Variants in POSTN observed in about 807,000 individuals in gnomAD.
The protein encoded by POSTN is osteoblast specific factor 2 (fasciclin I-like).
A neutral mutation model predicts 104.5 loss-of-function variants in POSTN; 71 were observed. The observed-to-expected ratio is 0.68, with a 90% CI of 0.56 to 0.83. The LOEUF (loss-of-function observed/expected upper bound fraction) is 0.83. Among genes scored for constraint, POSTN ranks in the 40% least tolerant of loss-of-function variants. The probability of loss-of-function intolerance (pLI) is 0.00; values close to 1 mark genes in which losing one functional copy is unlikely to be tolerated. For missense variants in POSTN, 949 were observed against 1,006.8 expected (o/e 0.94, Z 0.78); for synonymous variants, 355 against 340.7 (o/e 1.04, Z -0.46).
intron 2 of POSTN, among the ~76,000 whole-genome samples, chr13:37,594,937 A>G (rs1403770732): frequency 6.6e-6 from 1 of 151,794 alleles, no homozygotes; most frequent in East Asian, 1.9e-4. Context: ...AGACGTAACT[A>G]TGTTTTTGAA....
chr13:37,595,047 A>T (rs1169022867), intron 2 of POSTN, among the ~76,000 whole-genome samples: 1 of 144,398 alleles, frequency 6.9e-6, no homozygotes. Context: ...CAAAGTAGTG[A>T]TTTTTTTTTT....
intron 21 of POSTN, chr13:37,568,831 C>T (rs1950183893): frequency 6.6e-6 from 1 of 151,876 alleles, no homozygotes; most frequent in South Asian, 2.1e-4. Context: ...TATTCATTCC[C>T]AAGAATATAG....
rs748738048 is a variant in POSTN, at chr13:37,586,176, G to A, written c.858C>T (p.Val286=). Residue 286 remains valine, a synonymous_variant, in exon 7 of 23, where the codon GTC becomes GTT. Coordinates refer to ENST00000379747, the MANE Select transcript of POSTN (RefSeq NM_006475.3). ...CTTTGTCTCCCATGATCCTTTCTAG[G>A]ACACCTCGTGGAAGTTTCTCAAAAG... ...NEAFEKLPRG[V]LERIMGDKVA... 3 of 1,613,672 alleles carry A rather than the reference G, an allele frequency of 1.9e-6. No homozygotes were observed.
chr13:37,589,455 G>A (rs1387664575), intron 4 of POSTN, among the ~76,000 whole-genome samples: 1 of 151,922 alleles, frequency 6.6e-6, no homozygotes, highest in Non-Finnish European at 1.5e-5. Flanking sequence ...CCATTAACTC[G>A]TCATTTAGCA....
At chr13:37,579,481 C>T (rs1282487357) in intron 12 of POSTN, 122 bp from the exon 13 acceptor site, 5 of 842,350 alleles carry the variant, frequency 5.9e-6, no homozygotes, top group African/African-American at 5.2e-5. Flanking sequence ...TATCATTATT[C>T]TCTCAAGTAG....
intron 1 of POSTN, 88 bp downstream of exon 1, chr13:37,598,520 G>T (rs1300849150): frequency 4.2e-6 from 5 of 1,194,158 alleles, no homozygotes; most frequent in African/African-American, 1.5e-5. Context: ...AAACCCTGAG[G>T]CATATATGAG....
At chr13:37,587,681 A>G (rs933201734) in intron 5 of POSTN, 141 bp downstream of exon 5, 6 of 641,932 alleles carry the variant, frequency 9.3e-6, no homozygotes, top group African/African-American at 1.9e-5. Flanking sequence ...TACATGCCCT[A>G]GATTTGGGGG....
At position 37,570,652 on chromosome 13, in the gene POSTN, A is replaced by G. The variant is rs1950237545; in HGVS notation, c.2197T>C (p.Tyr733His). ...VIHGEPIIKK[Y>H]TKIIDGVPVE... Reference sequence around the variant, plus strand: ...GGCACTCCATCAATGATTTTGGTGTATTTTTTAATAATTGGCTCTAAAAGC... The same window carrying G: ...GGCACTCCATCAATGATTTTGGTGTGTTTTTTAATAATTGGCTCTAAAAGC... The change falls in exon 19 of 23, where the codon TAC becomes CAC. Residue 733 changes from tyrosine (Y) to histidine (H), a missense_variant. Coordinates refer to ENST00000379747, the MANE Select transcript of POSTN (RefSeq NM_006475.3). 1 of 1,605,636 alleles carries G rather than the reference A, an allele frequency of 6.2e-7. No individual in the cohort carries two copies.
At chr13:37,573,128 T>G (rs1950303263) in intron 17 of POSTN, among the ~76,000 whole-genome samples, 1 of 151,500 alleles carries the variant, frequency 6.6e-6, no homozygotes, top group Admixed American at 6.6e-5. Context: ...AGGAGAAGAA[T>G]CTTTGAAAAT....
At chr13:37,580,317 T>C (rs1950541829) in intron 11 of POSTN, among the ~76,000 whole-genome samples, 2 of 152,200 alleles carry the variant, frequency 1.3e-5, no homozygotes, top group African/African-American at 2.4e-5. Flanking sequence ...CTAAAAACTA[T>C]AAGAAAAATG....
chr13:37,598,516 T>C, intron 1 of POSTN, 92 bp downstream of exon 1: 4 of 1,158,526 alleles, frequency 3.5e-6, no homozygotes, highest in Non-Finnish European at 4.8e-6. Context: ...AAAAAAACCC[T>C]GAGGCATATA....
chr13:37,579,282 CA>C lies in POSTN; in HGVS notation c.1737del (p.Gly580ValfsTer6), dbSNP rs1950510754. On this transcript the variant is annotated frameshift_variant, in exon 13 of 23. Coordinates refer to ENST00000379747, the MANE Select transcript of POSTN (RefSeq NM_006475.3). LOFTEE classifies it high-confidence loss of function. ...PGVFIGKGFE[P>X]GVTNILKTTQ... The stretch of plus-strand genomic sequence containing the variant: ...GTGGTCTTTAAAATGTTAGTAACAC[CA>C]GGTTCAAATCCTTTTCCAATGAAAA... 1 of 1,607,842 alleles carries C rather than the reference CA, an allele frequency of 6.2e-7. No homozygotes were observed. The highest frequency in any genetic ancestry group is 1.3e-5 in the African/African-American group (1 of 74,774).
intron 15 of POSTN, among the ~76,000 whole-genome samples, chr13:37,578,104 T>C (rs1950468169): frequency 6.6e-6 from 1 of 152,166 alleles, no homozygotes; most frequent in South Asian, 2.1e-4. Flanking sequence ...AAGAAAAATA[T>C]TCCGTTCCCT....
intron 21 of POSTN, chr13:37,568,821 T>A (rs1257353617): frequency 6.6e-6 from 1 of 152,150 alleles, no homozygotes; most frequent in Non-Finnish European, 1.5e-5. Context: ...AAGAAACAGA[T>A]ATTCATTCCC....
intron 17 of POSTN, among the ~76,000 whole-genome samples, chr13:37,572,298 T>A (rs1950282176): frequency 6.6e-6 from 1 of 151,238 alleles, no homozygotes; most frequent in South Asian, 2.1e-4. Flanking sequence ...TTTTTGCTTG[T>A]TCAGAAATTG....
chr13:37,564,071 C>A (rs1950007173), intron 22 of POSTN, among the ~76,000 whole-genome samples: 1 of 150,600 alleles, frequency 6.6e-6, no homozygotes, highest in Middle Eastern at 3.5e-3. Context: ...TTTAAGGATT[C>A]AGGTCCACCT....
chr13:37,564,528 T>C lies in POSTN; in HGVS notation c.2464A>G (p.Lys822Glu). The C allele has an allele frequency of 6.3e-7, 1 of 1,599,878 alleles. No individual in the cohort carries two copies. The highest frequency in any genetic ancestry group is 8.6e-7 in the Non-Finnish European group (1 of 1,168,972). The change falls in exon 22 of 23, where the codon AAA (lysine) becomes GAA (glutamate). Residue 822 changes from lysine (K) to glutamate (E), a missense_variant. Physicochemically the swap from Lys to Glu is moderately conservative, Grantham distance 56 (BLOSUM62 1). Transcript: ENST00000379747. ...TAGCCAATACACTTACCTTGAACTT[T>C]TTTGTTGGCTTGCAACTTCCTCACG... ...TPVRKLQANK[K>E]VQGSRRRLRE...
chr13:37,579,487 A>G, intron 12 of POSTN, 128 bp from the exon 13 acceptor site: 1 of 803,300 alleles, frequency 1.2e-6, no homozygotes, highest in Non-Finnish European at 1.9e-6. Flanking sequence ...TATTCTCTCA[A>G]GTAGATATCG....
At chr13:37,578,798 C>CTT (rs1950490447) in intron 15 of POSTN, 46 bp downstream of exon 15, 1 of 1,011,364 alleles carries the variant, frequency 9.9e-7, no homozygotes. Context: ...GACTCCATCT[C>CTT]AAAAAAAAAA....
Sources: allele counts gnomAD v4.1 joint callset (sites outside exome capture counted in the v4.1 genomes callset), GRCh38; gene constraint gnomAD v4.1.1; transcripts MANE v1.5; gene names NCBI Gene and HGNC (gene_info 2026-07-23, HGNC 2026-07-21).